RAB8B: variants seen among roughly 807,000 people sequenced by gnomAD.
RAB8B encodes RAB8B, member RAS oncogene family, also known as ras-related protein Rab-8B.
RAB8B carries 11 observed loss-of-function variants against 32.0 expected under a neutral mutation model. That is an observed-to-expected ratio of 0.34 (90% CI 0.22 to 0.57). The LOEUF (loss-of-function observed/expected upper bound fraction) is 0.57. Among genes scored for constraint, RAB8B ranks in the 20% least tolerant of loss-of-function variants. RAB8B has a pLI of 0.86. For synonymous variants in RAB8B, 103 were observed against 89.6 expected (o/e 1.15, Z -0.85); for missense variants, 190 against 258.5 (o/e 0.73, Z 1.82).
intron 2 of RAB8B, among the ~76,000 whole-genome samples, chr15:63,245,323 A>G (rs2038062484): frequency 6.6e-6 from 1 of 152,182 alleles, no homozygotes; most frequent in African/African-American, 2.4e-5. Flanking sequence ...ATGATATTTT[A>G]TGATTTATTT....
rs1269192148 is a variant in RAB8B at position 63,244,812 on chromosome 15, A to G, written c.181A>G (p.Ile61Val). The G allele has an allele frequency of 1.3e-6, 2 of 1,576,398 alleles. No individual in the cohort carries two copies. Among genetic ancestry groups the G allele is most frequent in the Admixed American group, 1.7e-5 (1 of 58,094 alleles). Residue 61 changes from isoleucine to valine, a missense_variant, in exon 2 of 8, where the codon ATA becomes GTA. By Grantham distance (29) the Ile-to-Val change is conservative. Around this residue, in one of 2 missense-constraint regions of RAB8B, gnomAD observed 80 missense variants for 142.6 expected, o/e 0.56. Coordinates refer to ENST00000321437, the MANE Select transcript of RAB8B (RefSeq NM_016530.3). ...AGATGGAAAGAAAATTAAGCTTCAG[A>G]TATGGTAAGTAAACACACACACAGA... is the stretch of plus-strand genomic sequence containing the variant. The part of the protein sequence containing the change: ...ELDGKKIKLQ[I>V]WDTAGQERFR...
At chr15:63,225,810 A>G (rs1475494082) in intron 1 of RAB8B, among the ~76,000 whole-genome samples, 1 of 152,070 alleles carries the variant, frequency 6.6e-6, no homozygotes, top group Non-Finnish European at 1.5e-5. Context: ...GCTCATTGGC[A>G]AGAAGAATTT....
Position 63,259,437 on chromosome 15 carries a change from T to C in RAB8B, c.415-190T>C, listed in dbSNP as rs540235634. Among the ~76,000 whole-genome samples, 1 of 152,178 alleles carries C rather than the reference T, an allele frequency of 6.6e-6. No homozygotes were observed. Among genetic ancestry groups the C allele is most frequent in the Non-Finnish European group, 1.5e-5 (1 of 68,022 alleles). On this transcript the variant is annotated intron_variant, in intron 5 of 7. Coordinates refer to ENST00000321437, the MANE Select transcript of RAB8B (RefSeq NM_016530.3). The surrounding 1 kb of genome is among the most constrained non-coding windows in gnomAD (Gnocchi z 4.4). Reference sequence around the variant, plus strand: ...TATGTTTGAAATGGAAGTTGTGCCATCCTTCTTACGATGATTAAGTTAAAT... The same window carrying C: ...TATGTTTGAAATGGAAGTTGTGCCACCCTTCTTACGATGATTAAGTTAAAT...
chr15:63,212,723 A>C (rs1217459085), intron 1 of RAB8B, among the ~76,000 whole-genome samples: 1 of 152,184 alleles, frequency 6.6e-6, no homozygotes, highest in Non-Finnish European at 1.5e-5. Context: ...GTATTCCCTA[A>C]AACAGCTCTA....
intron 1 of RAB8B, among the ~76,000 whole-genome samples, chr15:63,208,715 C>A (rs903738074): frequency 1.3e-5 from 2 of 152,120 alleles, no homozygotes; most frequent in African/African-American, 2.4e-5. Flanking sequence ...ATGTCACTTT[C>A]TTTATGAGGC....
chr15:63,256,673 A>AT (rs1052403815), intron 5 of RAB8B, 79 bp downstream of exon 5: 25 of 1,083,282 alleles, frequency 2.3e-5, no homozygotes, highest in East Asian at 1.1e-4. Context: ...TTAATTATTG[A>AT]TTTTTTTTAA....
At chr15:63,209,417 C>T (rs961760628) in intron 1 of RAB8B, among the ~76,000 whole-genome samples, 2 of 151,636 alleles carry the variant, frequency 1.3e-5, no homozygotes, top group Non-Finnish European at 2.9e-5. Flanking sequence ...ATGGTGAAAC[C>T]CTGTCTCTAC....
chr15:63,193,765 C>G (rs997904830), intron 1 of RAB8B, among the ~76,000 whole-genome samples: 2 of 151,788 alleles, frequency 1.3e-5, no homozygotes, highest in African/African-American at 4.8e-5. Flanking sequence ...GAGCTGAGAT[C>G]GCGCCACTGC....
At chr15:63,225,756 G>C (rs975128174) in intron 1 of RAB8B, among the ~76,000 whole-genome samples, 3 of 152,106 alleles carry the variant, frequency 2.0e-5, no homozygotes, top group African/African-American at 7.2e-5. Context: ...GTAGTGTCAG[G>C]CTCATGGAGG....
rs879903296 is a variant in RAB8B, at chr15:63,264,247, G to A, written c.*628G>A. The A allele has an allele frequency of 1.3e-5, 2 of 152,134 alleles. No individual in the cohort carries two copies. The highest frequency in any genetic ancestry group is 2.9e-5 in the Non-Finnish European group (2 of 68,030). 9.4% of individuals were successfully genotyped at this position (152,134 alleles called of 1,614,324 possible). Reference sequence around the variant, plus strand: ...CCTCATCCCCGACCTGTTTTCCAGAGTCTGGGTAGCTGAATGAATCACTTT... The same window carrying A: ...CCTCATCCCCGACCTGTTTTCCAGAATCTGGGTAGCTGAATGAATCACTTT... On this transcript the variant is annotated 3_prime_UTR_variant, in exon 8 of 8. Coordinates refer to ENST00000321437, the MANE Select transcript of RAB8B (RefSeq NM_016530.3).
At chr15:63,190,115 G>T (rs967545406) in intron 1 of RAB8B, among the ~76,000 whole-genome samples, 5 of 150,914 alleles carry the variant, frequency 3.3e-5, no homozygotes, top group Admixed American at 2.0e-4. Context: ...GAGAGAAGGG[G>T]ATAGTGGACG....
At chr15:63,191,437 T>C (rs913818788) in intron 1 of RAB8B, among the ~76,000 whole-genome samples, 4 of 152,208 alleles carry the variant, frequency 2.6e-5, no homozygotes, top group African/African-American at 9.7e-5. Context: ...CTTAGGGAAG[T>C]TTGAATTGCA....
chr15:63,220,427 T>C (rs886425677), intron 1 of RAB8B, among the ~76,000 whole-genome samples: 1 of 151,152 alleles, frequency 6.6e-6, no homozygotes, highest in African/African-American at 2.4e-5. Context: ...GGTCATGAAG[T>C]CAATTTACTG....
At chr15:63,190,248 C>G (rs2037544511) in intron 1 of RAB8B, among the ~76,000 whole-genome samples, 1 of 151,876 alleles carries the variant, frequency 6.6e-6, no homozygotes, top group South Asian at 2.1e-4. Context: ...GAGAACCAGG[C>G]AACTGGAAGG....
intron 1 of RAB8B, among the ~76,000 whole-genome samples, chr15:63,220,660 A>G (rs1037651622): frequency 2.6e-5 from 4 of 152,208 alleles, no homozygotes; most frequent in African/African-American, 9.7e-5. Context: ...TTAATTTGCC[A>G]GCCATTAAGA....
chr15:63,241,305 C>T (rs1007036516), intron 1 of RAB8B, among the ~76,000 whole-genome samples: 2 of 152,252 alleles, frequency 1.3e-5, no homozygotes, highest in African/African-American at 2.4e-5. Flanking sequence ...GCCAAGATCG[C>T]GCCACTGCAC....
rs185848694 is a variant in RAB8B, at chr15:63,248,842, T to C, written c.186-803T>C. Among the ~76,000 whole-genome samples the C allele has an allele frequency of 2.0e-5, 3 of 152,314 alleles. No homozygotes were observed. The highest frequency in any genetic ancestry group is 2.0e-4 in the Admixed American group (3 of 15,300). ...CTCTTTCTCTCCTGCAATTAAATTG[T>C]CTTAGTAGCACAGGGAATGAATTAG... On this transcript the variant is annotated intron_variant, in intron 2 of 7. Coordinates refer to ENST00000321437, the MANE Select transcript of RAB8B (RefSeq NM_016530.3). This position sits in a 1 kb window ranked among gnomAD's most constrained non-coding sequence, Gnocchi z 4.4.
At chr15:63,215,854 T>C (rs146807202) in intron 1 of RAB8B, among the ~76,000 whole-genome samples, 12 of 152,120 alleles carry the variant, frequency 7.9e-5, no homozygotes, top group Non-Finnish European at 1.6e-4. Context: ...CTGGGCAACA[T>C]GGCGAGACCC....
chr15:63,244,715 T>G, intron 1 of RAB8B, 41 bp from the exon 2 acceptor site: 1 of 1,467,130 alleles, frequency 6.8e-7, no homozygotes, highest in South Asian at 1.2e-5. Flanking sequence ...TTGGATTATA[T>G]CTGAAGAAAC....
Sources: allele counts gnomAD v4.1 joint callset (sites outside exome capture counted in the v4.1 genomes callset), GRCh38; gene constraint gnomAD v4.1.1; regional missense constraint gnomAD v4.1.1; non-coding constraint Gnocchi (gnomAD v3.1); transcripts MANE v1.5; gene names NCBI Gene and HGNC (gene_info 2026-07-23, HGNC 2026-07-21).